HECW2: variants seen among roughly 807,000 people sequenced by gnomAD.
HECW2 encodes E3 ubiquitin-protein ligase HECW2.
HECW2 carries 61 observed loss-of-function variants against 175.2 expected under a neutral mutation model. The ratio of observed to expected loss-of-function variants is 0.35; its 90% CI spans 0.28 to 0.43. The LOEUF is 0.43. Among genes scored for constraint, HECW2 ranks in the 20% least tolerant of loss-of-function variants. The pLI, the probability that HECW2 is intolerant of heterozygous loss-of-function variation, is 1.00. For missense variants in HECW2, 1,524 were observed against 2,000.5 expected (o/e 0.76, Z 4.54); for synonymous variants, 671 against 731.0 (o/e 0.92, Z 1.32).
chr2:196,521,282 C>CAAAAAAAAAAAAAAAAAAAAAAAAAA, intron 1 of HECW2, among the ~76,000 whole-genome samples: 1 of 53,692 alleles, frequency 1.9e-5, no homozygotes, highest in Non-Finnish European at 4.0e-5. Context: ...ACGTGAGTAA[C>CAAAAAAAAAAAAAAAAAAAAAAAAAA]AAAAAAAAAA....
chr2:196,386,344 G>A (rs967257915), intron 2 of HECW2, among the ~76,000 whole-genome samples: 1 of 152,166 alleles, frequency 6.6e-6, no homozygotes, highest in Non-Finnish European at 1.5e-5. Flanking sequence ...TCATTCAGAA[G>A]GGGATGTTTG....
chr2:196,255,244 G>A (rs752040572), intron 18 of HECW2, among the ~76,000 whole-genome samples: 1 of 144,738 alleles, frequency 6.9e-6, no homozygotes, highest in Non-Finnish European at 1.5e-5. Flanking sequence ...CGCCTGCCTC[G>A]GCATCCCAAA....
At chr2:196,347,158 T>TTC (rs977974817) in intron 2 of HECW2, among the ~76,000 whole-genome samples, 6 of 150,742 alleles carry the variant, frequency 4.0e-5, no homozygotes, top group Non-Finnish European at 8.9e-5. Flanking sequence ...GTTCAAGTGA[T>TTC]TCTCCTGCCT....
At chr2:196,517,160 T>A (rs1370611641) in intron 1 of HECW2, among the ~76,000 whole-genome samples, 1 of 152,198 alleles carries the variant, frequency 6.6e-6, no homozygotes, top group African/African-American at 2.4e-5. Context: ...GAGGCACTCA[T>A]CTCATGCATA....
chr2:196,253,489 C>G (rs1460688447), intron 19 of HECW2, among the ~76,000 whole-genome samples: 1 of 152,194 alleles, frequency 6.6e-6, no homozygotes, highest in Non-Finnish European at 1.5e-5. Flanking sequence ...TCTGTTCTAT[C>G]TAATGCAATT....
At chr2:196,457,955 T>C (rs1272054343) in intron 1 of HECW2, among the ~76,000 whole-genome samples, 1 of 152,062 alleles carries the variant, frequency 6.6e-6, no homozygotes, top group African/African-American at 2.4e-5. Context: ...CCACAATTCT[T>C]AAAAGTCACC....
chr2:196,519,301 C>A (rs1183683967), intron 1 of HECW2, among the ~76,000 whole-genome samples: 1 of 152,114 alleles, frequency 6.6e-6, no homozygotes, highest in Non-Finnish European at 1.5e-5. Flanking sequence ...CATAGATTCA[C>A]CAGAAGAGCA....
At chr2:196,508,216 A>C (rs7557727) in intron 1 of HECW2, among the ~76,000 whole-genome samples, 52,772 of 152,066 alleles carry the variant, frequency 0.35, 12,550 homozygotes, top group African/African-American at 0.68. Flanking sequence ...CTTTTTCTAA[A>C]CTGTTTTTGA....
chr2:196,292,810 A>G, intron 13 of HECW2, 60 bp from the exon 14 acceptor site: 1 of 1,304,298 alleles, frequency 7.7e-7, no homozygotes. Context: ...AGCACCAGAA[A>G]TACTACACAT....
At chr2:196,470,649 A>C (rs1697158780) in intron 1 of HECW2, among the ~76,000 whole-genome samples, 1 of 152,196 alleles carries the variant, frequency 6.6e-6, no homozygotes, top group South Asian at 2.1e-4. Flanking sequence ...TAAGATAGGG[A>C]AGCACTTATT....
At chr2:196,400,821 A>AC (rs1475801426) in intron 2 of HECW2, among the ~76,000 whole-genome samples, 1 of 78,922 alleles carries the variant, frequency 1.3e-5, no homozygotes, top group South Asian at 3.4e-4. Flanking sequence ...CACAAAATGC[A>AC]AAAAAAAAAA....
intron 3 of HECW2, 82 bp downstream of exon 3, chr2:196,343,575 A>G: frequency 1.2e-6 from 1 of 859,166 alleles, no homozygotes; most frequent in Admixed American, 2.3e-5. Context: ...ATTTCAAAAT[A>G]ACATTCAAAA....
intron 1 of HECW2, among the ~76,000 whole-genome samples, chr2:196,558,706 C>A (rs1397679622): frequency 1.3e-5 from 2 of 152,238 alleles, no homozygotes; most frequent in African/African-American, 4.8e-5. Context: ...TCTGATCCAG[C>A]TGATGAATCT....
intron 1 of HECW2, among the ~76,000 whole-genome samples, chr2:196,437,257 GA>G (rs1362237082): frequency 6.6e-6 from 1 of 151,940 alleles, no homozygotes; most frequent in Non-Finnish European, 1.5e-5. Flanking sequence ...AGGCGGAGAA[GA>G]AAAAAACAAA....
intron 1 of HECW2, among the ~76,000 whole-genome samples, chr2:196,504,289 C>CT (rs1687677598): frequency 8.4e-6 from 1 of 119,396 alleles, no homozygotes; most frequent in South Asian, 3.0e-4. Flanking sequence ...GAGTGAAACT[C>CT]TGTCTCAAAA....
chr2:196,427,906 T>A (rs1263940511), intron 2 of HECW2, among the ~76,000 whole-genome samples: 3 of 152,218 alleles, frequency 2.0e-5, no homozygotes, highest in Admixed American at 2.0e-4. Flanking sequence ...TTTCTTTGTA[T>A]TTCCAATAGG....
chr2:196,213,122 T>A (rs1347500246), intron 28 of HECW2, among the ~76,000 whole-genome samples: 1 of 152,230 alleles, frequency 6.6e-6, no homozygotes, highest in Non-Finnish European at 1.5e-5. Flanking sequence ...CCACATTTCA[T>A]TAAGGGTGAT....
chr2:196,258,251 C>T (rs952041585), intron 17 of HECW2: 16 of 246,800 alleles, frequency 6.5e-5, no homozygotes, highest in East Asian at 9.6e-5. Context: ...TGAATTTTAG[C>T]GATATAGTCT....
At chr2:196,405,575 C>G (rs1160801972) in intron 2 of HECW2, among the ~76,000 whole-genome samples, 1 of 152,178 alleles carries the variant, frequency 6.6e-6, no homozygotes, top group Non-Finnish European at 1.5e-5. Flanking sequence ...AACCCCCCAT[C>G]TTATGCTCTA....
Sources: gnomAD v4.1 joint callset for allele counts (sites outside exome capture counted in the v4.1 genomes callset) on GRCh38, gnomAD v4.1.1 for gene constraint, MANE v1.5 for transcripts, NCBI Gene and HGNC (gene_info 2026-07-23, HGNC 2026-07-21) for gene names.